PRRC2C: variants seen among roughly 807,000 people sequenced by gnomAD.
PRRC2C encodes the protein proline rich coiled-coil 2C.
In PRRC2C, 72 loss-of-function variants were observed where a neutral mutation model predicts 317.2. The observed-to-expected ratio is 0.23, with a 90% confidence interval of 0.19 to 0.28. PRRC2C has a LOEUF of 0.28. Ranked by LOEUF, PRRC2C falls within the 10% of genes least tolerant of loss-of-function variation. The pLI, the probability that PRRC2C is intolerant of heterozygous loss-of-function variation, is 1.00. For missense variants in PRRC2C, 3,074 were observed against 3,459.7 expected, an observed-to-expected ratio of 0.89 and a Z score of 2.80; for synonymous variants, 1,296 against 1,205.9, an observed-to-expected ratio of 1.07 and a Z score of -1.55.
Position 171,568,230 on chromosome 1 carries a change from C to A in PRRC2C, c.6559-17C>A. The A allele has an allele frequency of 6.4e-7, 1 of 1,572,590 alleles. No homozygotes were observed. On this transcript the variant is annotated splice_polypyrimidine_tract_variant and intron_variant, in intron 22 of 34. Transcript: ENST00000647382. ...ATTCAGTTTAAAATGTATTTTTTTT[C>A]TATTACTACTTCACAGGAGTCTGTA...
intron 19 of PRRC2C, among the ~76,000 whole-genome samples, chr1:171,559,501 C>A (rs1196906327): frequency 1.6e-5 from 2 of 126,622 alleles, no homozygotes; most frequent in African/African-American, 5.9e-5. Flanking sequence ...AAATGGCATA[C>A]CAAGTTTGTT....
rs1647286099 is a variant in PRRC2C at position 171,577,483 on chromosome 1, A to G, written c.7005A>G (p.Thr2335=). ...CTTTGAGCACAAAATCTACAACCACATCGGACCCTCCAAATATTTGTAAAG... is the reference window on the plus strand; with the variant it reads ...CTTTGAGCACAAAATCTACAACCACGTCGGACCCTCCAAATATTTGTAAAG... ...TSSLSTKSTT[T]SDPPNICKVK... is the part of the protein sequence containing the mutation. Residue 2335 remains threonine, a synonymous_variant, in exon 26 of 35, where the codon ACA becomes ACG. Coordinates refer to ENST00000647382, the MANE Select transcript of PRRC2C (RefSeq NM_001387844.1). 2 of 1,613,202 alleles carry G rather than the reference A, an allele frequency of 1.2e-6. No homozygotes were observed. Among genetic ancestry groups the G allele is most frequent in the Non-Finnish European group, 1.7e-6 (2 of 1,179,278 alleles).
chr1:171,566,755 C>T lies in PRRC2C; in HGVS notation c.6470C>T (p.Thr2157Ile), dbSNP rs749383506. 3.7e-6 allele frequency: 6 copies of T among 1,613,528 alleles called. No homozygotes were observed. The highest frequency in any genetic ancestry group is 1.7e-5 in the Admixed American group (1 of 59,936). ...ATVRSTDPVT[T>I]KETKAVSEMS... The stretch of plus-strand genomic sequence containing the variant: ...GTCAGAAGCACAGATCCTGTCACGA[C>T]AAAGGAGACTAAAGCAGTCTCAGAA... Residue 2157 changes from threonine to isoleucine, a missense_variant, in exon 22 of 35, where the codon ACA becomes ATA. By Grantham distance (89) the Thr-to-Ile change is moderately conservative (BLOSUM62 -1). Coordinates refer to ENST00000647382, the MANE Select transcript of PRRC2C (RefSeq NM_001387844.1).
At chr1:171,543,427 A>G (rs905252525) in intron 16 of PRRC2C, among the ~76,000 whole-genome samples, 9 of 152,178 alleles carry the variant, frequency 5.9e-5, no homozygotes, top group African/African-American at 2.2e-4. Flanking sequence ...CTAGGTTCAA[A>G]TCTCGGCTCT....
Position 171,512,184 on chromosome 1 carries a change from A to C in PRRC2C, c.96A>C (p.Glu32Asp). The change falls in exon 2 of 35, where the codon GAA becomes GAC. Residue 32 changes from glutamate to aspartate, a missense_variant. Coordinates refer to ENST00000647382, the MANE Select transcript of PRRC2C (RefSeq NM_001387844.1). ...LFNTYKGKSL[E>D]TQKTTVAARH... is the part of the protein sequence containing the mutation. ...ATACTTACAAGGGGAAATCATTAGA[A>C]ACACAGAAAACCACAGGTGAGTAAA... The C allele has an allele frequency of 6.4e-7, 1 of 1,564,858 alleles. No individual in the cohort carries two copies. Among genetic ancestry groups the C allele is most frequent in the Non-Finnish European group, 8.7e-7 (1 of 1,150,892 alleles).
chr1:171,587,646 A>G lies in PRRC2C; in HGVS notation c.7969-2A>G. On this transcript the variant is annotated splice_acceptor_variant, in intron 31 of 34. Transcript: ENST00000647382. LOFTEE classifies it high-confidence loss of function. Reference sequence around the variant, plus strand: ...TTAAGTTTATTTTATGCTTCTCCTCAGATGTCTGAAATGGAACTAAAAGCC... The same window carrying G: ...TTAAGTTTATTTTATGCTTCTCCTCGGATGTCTGAAATGGAACTAAAAGCC... 6.3e-7 allele frequency: 1 copy of G among 1,587,698 alleles called. No individual in the cohort carries two copies. Among genetic ancestry groups the G allele is most frequent in the East Asian group, 2.2e-5 (1 of 44,748 alleles).
chr1:171,571,442 T>A, intron 24 of PRRC2C, 21 bp downstream of exon 24: 1 of 1,508,854 alleles, frequency 6.6e-7, no homozygotes, highest in South Asian at 1.1e-5. Context: ...CATCCATCTC[T>A]AAGAGTCCTT....
At chr1:171,577,995 C>T (rs61814748) in intron 26 of PRRC2C, among the ~76,000 whole-genome samples, 59,815 of 141,342 alleles carry the variant, frequency 0.42, 13,979 homozygotes, top group East Asian at 0.59. Flanking sequence ...CGGGTTTTAC[C>T]GTGTTGCCCA....
chr1:171,541,122 A>T lies in PRRC2C; in HGVS notation c.3656A>T (p.Asp1219Val). 6.2e-7 allele frequency: 1 copy of T among 1,613,796 alleles called. No individual in the cohort carries two copies. Among genetic ancestry groups the T allele is most frequent in the Non-Finnish European group, 8.5e-7 (1 of 1,179,850 alleles). ...RGRGGRGHTR[D>V]YPQYRDNKPR... is the part of the protein sequence containing the mutation. Reference sequence around the variant, plus strand: ...AGGGGTGGTAGGGGACACACTCGAGATTATCCTCAGTATAGAGACAATAAG... The same window carrying T: ...AGGGGTGGTAGGGGACACACTCGAGTTTATCCTCAGTATAGAGACAATAAG... Residue 1219 changes from aspartate (D) to valine (V), a missense_variant, in exon 16 of 35, where the codon GAT becomes GTT. Coordinates refer to ENST00000647382, the MANE Select transcript of PRRC2C (RefSeq NM_001387844.1). The surrounding 1 kb of genome is among the most constrained non-coding windows in gnomAD (Gnocchi z 4.1).
Position 171,583,991 on chromosome 1 carries a change from A to T in PRRC2C, c.7445A>T (p.Gln2482Leu), listed in dbSNP as rs746324899. The stretch of plus-strand genomic sequence containing the variant: ...GCTTTTATGCAAAGCAGTTTATCCC[A>T]GCCATCTGTGGTCCTTTCTGGTACT... ...QPAFMQSSLS[Q>L]PSVVLSGTAI... Residue 2482 changes from glutamine to leucine, a missense_variant, in exon 29 of 35, where the codon CAG becomes CTG. Around this residue, in one of 11 missense-constraint regions of PRRC2C, gnomAD observed 490 missense variants for 663.1 expected, o/e 0.74. Transcript: ENST00000647382. 6.2e-7 allele frequency: 1 copy of T among 1,613,996 alleles called. No homozygotes were observed. Among genetic ancestry groups the T allele is most frequent in the Non-Finnish European group, 8.5e-7 (1 of 1,179,854 alleles).
intron 1 of PRRC2C, among the ~76,000 whole-genome samples, chr1:171,495,154 G>C (rs1398465549): frequency 6.6e-6 from 1 of 152,164 alleles, no homozygotes; most frequent in African/African-American, 2.4e-5. Flanking sequence ...ATAAAATTCA[G>C]TGGAACTGTT....
intron 17 of PRRC2C, among the ~76,000 whole-genome samples, chr1:171,546,963 A>G (rs1266826343): frequency 1.3e-5 from 2 of 151,876 alleles, no homozygotes; most frequent in African/African-American, 4.8e-5. Flanking sequence ...GCAGTGGCCC[A>G]GGCCTGTCAT....
In PRRC2C at chr1:171,561,108, G is replaced by A. The variant is rs559782328; in HGVS notation, c.6117+5G>A. ...GGATCAGCTCCTTCATCAGAGGTAA[G>A]AATAGGCTTTTAACAGCATAGGTGT... is the stretch of plus-strand genomic sequence containing the variant. On this transcript the variant is annotated splice_donor_5th_base_variant and intron_variant, in intron 20 of 34. Transcript: ENST00000647382. 3 of 1,574,070 alleles carry A rather than the reference G, an allele frequency of 1.9e-6. No homozygotes were observed. The East Asian group carries it at 6.7e-5, about 35-fold the overall frequency.
chr1:171,537,310 T>G lies in PRRC2C; in HGVS notation c.2341T>G (p.Ser781Ala). ...PLMRRDQMEG[S>A]PNSSESFEHI... is the part of the protein sequence containing the mutation. ...AATGAGAAGAGACCAGATGGAAGGG[T>G]CACCGAACAGTTCTGAGTCATTTGA... The change falls in exon 15 of 35, where the codon TCA becomes GCA. Residue 781 changes from serine to alanine, a missense_variant. By Grantham distance (99) the Ser-to-Ala change is moderately conservative. Coordinates refer to ENST00000647382, the MANE Select transcript of PRRC2C (RefSeq NM_001387844.1). The G allele has an allele frequency of 6.2e-7, 1 of 1,601,222 alleles. No homozygotes were observed. Among genetic ancestry groups the G allele is most frequent in the Non-Finnish European group, 8.5e-7 (1 of 1,173,264 alleles).
chr1:171,522,976 ATTTG>A (rs780177569), intron 7 of PRRC2C, among the ~76,000 whole-genome samples: 1 of 151,232 alleles, frequency 6.6e-6, no homozygotes, highest in African/African-American at 2.4e-5. Flanking sequence ...CTTTTAACAT[ATTTG>A]TTTTATCTTA....
intron 1 of PRRC2C, among the ~76,000 whole-genome samples, chr1:171,489,067 A>G (rs1009035926): frequency 1.4e-4 from 21 of 152,142 alleles, no homozygotes; most frequent in Non-Finnish European, 3.1e-4. Context: ...GACTGTTTCC[A>G]TGTCCTCATC....
chr1:171,507,587 C>G (rs1388488904), intron 1 of PRRC2C, among the ~76,000 whole-genome samples: 3 of 152,052 alleles, frequency 2.0e-5, no homozygotes, highest in Non-Finnish European at 4.4e-5. Context: ...CTTAAGTAGC[C>G]TGGGCAACAG....
Position 171,541,989 on chromosome 1 carries a change from A to T in PRRC2C, c.4523A>T (p.Asn1508Ile). ...WETASESSDF[N>I]ERRERDEKKN... ...ACAGCTTCTGAAAGCAGTGATTTCA[A>T]TGAGAGGCGAGAGAGGGATGAAAAA... The change falls in exon 16 of 35, where the codon AAT becomes ATT. Residue 1508 changes from asparagine (N) to isoleucine (I), a missense_variant. Coordinates refer to ENST00000647382, the MANE Select transcript of PRRC2C (RefSeq NM_001387844.1). The surrounding 1 kb of genome is among the most constrained non-coding windows in gnomAD (Gnocchi z 4.1). 1 of 1,613,946 alleles carries T rather than the reference A, an allele frequency of 6.2e-7. No homozygotes were observed. Among genetic ancestry groups the T allele is most frequent in the Non-Finnish European group, 8.5e-7 (1 of 1,179,820 alleles).
intron 23 of PRRC2C, among the ~76,000 whole-genome samples, chr1:171,569,396 C>T (rs1370415342): frequency 6.6e-6 from 1 of 150,838 alleles, no homozygotes; most frequent in East Asian, 2.0e-4. Flanking sequence ...CATTAGGGGT[C>T]ACTTAATCCA....
Sources: gnomAD v4.1 joint callset for allele counts (sites outside exome capture counted in the v4.1 genomes callset) on GRCh38, gnomAD v4.1.1 for gene constraint, gnomAD v4.1.1 regional missense constraint, Gnocchi (gnomAD v3.1) non-coding constraint, MANE v1.5 for transcripts, NCBI Gene and HGNC (gene_info 2026-07-23, HGNC 2026-07-21) for gene names.